CDC123: variants seen among roughly 807,000 people sequenced by gnomAD.
CDC123 encodes translation initiation factor eIF2 assembly protein.
A neutral mutation model predicts 54.4 loss-of-function variants in CDC123; 37 were observed. The observed-to-expected ratio is 0.68, with a 90% confidence interval of 0.52 to 0.89. The LOEUF is 0.89. Among genes scored for constraint, CDC123 ranks in the 40% least tolerant of loss-of-function variants. The probability of loss-of-function intolerance (pLI) is 0.00; values close to 1 mark genes in which losing one functional copy is unlikely to be tolerated. For synonymous variants in CDC123, 144 were observed against 136.8 expected, an observed-to-expected ratio of 1.05 and a Z score of -0.37; for missense variants, 361 against 412.1, an observed-to-expected ratio of 0.88 and a Z score of 1.07.
chr10:12,238,561 G>C, intron 10 of CDC123, 76 bp downstream of exon 10: 1 of 1,529,090 alleles, frequency 6.5e-7, no homozygotes, highest in Non-Finnish European at 8.9e-7. Context: ...CCTTTGTTAT[G>C]TGTGTGAAGG....
chr10:12,250,368 C>T lies in CDC123; in HGVS notation c.*31C>T, dbSNP rs769415917. 5 of 1,561,232 alleles carry T rather than the reference C, an allele frequency of 3.2e-6. No individual in the cohort carries two copies. Among genetic ancestry groups the T allele is most frequent in the African/African-American group, 1.4e-5 (1 of 73,760 alleles). ...GTACTGGAACTGGAGAAGAGGAGGC[C>T]CCGCCCCACCGCTCCGGGAGCTGCT... On this transcript the variant is annotated 3_prime_UTR_variant, in exon 13 of 13. Coordinates refer to ENST00000281141, the MANE Select transcript of CDC123 (RefSeq NM_006023.3).
intron 2 of CDC123, among the ~76,000 whole-genome samples, chr10:12,206,045 C>T (rs1835515123): frequency 6.6e-6 from 1 of 152,160 alleles, no homozygotes; most frequent in African/African-American, 2.4e-5. Flanking sequence ...CATGATCCAC[C>T]CGCCTTGGCC....
At position 12,249,710 on chromosome 10, in the gene CDC123, C is replaced by T; in HGVS notation, c.976C>T (p.Leu326Phe). 3 of 1,609,032 alleles carry T rather than the reference C, an allele frequency of 1.9e-6. No homozygotes were observed. Among genetic ancestry groups the T allele is most frequent in the Non-Finnish European group, 2.5e-6 (3 of 1,178,744 alleles). Reference protein sequence around the residue: ...GEDAHKLIDFLKLKRNQQEDD With the variant: ...GEDAHKLIDFFKLKRNQQEDD ...GGACGCTCACAAGCTAATAGACTTCCTTAAGCTGGTAAAGTCTATGTGCAT... is the reference window on the plus strand; with the variant it reads ...GGACGCTCACAAGCTAATAGACTTCTTTAAGCTGGTAAAGTCTATGTGCAT... Residue 326 changes from leucine to phenylalanine, a missense_variant, in exon 12 of 13, where the codon CTT becomes TTT. Transcript: ENST00000281141.
chr10:12,201,494 G>A (rs1178435869), intron 2 of CDC123, among the ~76,000 whole-genome samples: 1 of 152,116 alleles, frequency 6.6e-6, no homozygotes, highest in Non-Finnish European at 1.5e-5. Context: ...GTGAAGGGAA[G>A]AATCTTCCAG....
chr10:12,244,793 G>A (rs941864296), intron 10 of CDC123: 2 of 152,022 alleles, frequency 1.3e-5, no homozygotes, highest in Middle Eastern at 3.2e-3. Context: ...GAGGACATTT[G>A]AGGTTAGGAG....
chr10:12,201,484 G>C (rs1878798), intron 2 of CDC123, among the ~76,000 whole-genome samples: 71,875 of 151,914 alleles, frequency 0.47, 17,190 homozygotes, highest in East Asian at 0.61. Flanking sequence ...CAGTTGAAGG[G>C]TGAAGGGAAG....
chr10:12,215,963 T>A, intron 5 of CDC123, 128 bp downstream of exon 5: 1 of 565,264 alleles, frequency 1.8e-6, no homozygotes, highest in Non-Finnish European at 3.0e-6. Flanking sequence ...GAATTTATTA[T>A]TAATTTCCCT....
chr10:12,249,448 A>G, intron 11 of CDC123, 133 bp from the exon 12 acceptor site: 2 of 922,704 alleles, frequency 2.2e-6, no homozygotes, highest in Non-Finnish European at 3.2e-6. Context: ...TAACTTAAGC[A>G]TCTTCCTTTC....
At chr10:12,233,329 TATAG>T (rs1835929569) in intron 7 of CDC123, among the ~76,000 whole-genome samples, 1 of 151,746 alleles carries the variant, frequency 6.6e-6, no homozygotes, top group Non-Finnish European at 1.5e-5. Flanking sequence ...TCTGTCTCTT[TATAG>T]ATACTTACAT....
intron 2 of CDC123, among the ~76,000 whole-genome samples, chr10:12,203,127 GCCACC>G (rs1472135829): frequency 3.3e-5 from 5 of 152,200 alleles, no homozygotes; most frequent in Admixed American, 6.5e-5. Context: ...ACCTACACGT[GCCACC>G]TTCCAGAAGC....
At position 12,225,985 on chromosome 10, in the gene CDC123, A is replaced by G. The variant is rs551903914; in HGVS notation, c.441-4963A>G. Among the ~76,000 whole-genome samples the G allele has an allele frequency of 2.0e-5, 3 of 152,032 alleles. No individual in the cohort carries two copies. The East Asian group carries it at 5.8e-4, about 29-fold the overall frequency. ...ACTCTTAAGGAGCATGCTGCCTTCA[A>G]GCATCTGTTTAACAAAGCACATCTT... On this transcript the variant is annotated intron_variant, in intron 6 of 12. Transcript: ENST00000281141.
chr10:12,249,127 CAAA>C (rs58244020), intron 11 of CDC123, among the ~76,000 whole-genome samples: 66 of 133,930 alleles, frequency 4.9e-4, no homozygotes, highest in Middle Eastern at 4.1e-3. Flanking sequence ...GACTTTGCCT[CAAA>C]AAAAAAAAAA....
At chr10:12,237,975 G>C (rs1339864726) in intron 9 of CDC123, among the ~76,000 whole-genome samples, 1 of 152,178 alleles carries the variant, frequency 6.6e-6, no homozygotes, top group Non-Finnish European at 1.5e-5. Flanking sequence ...AATTATATCT[G>C]CTATGATTTA....
intron 7 of CDC123, among the ~76,000 whole-genome samples, chr10:12,232,321 T>C (rs1835912307): frequency 6.6e-6 from 1 of 152,154 alleles, no homozygotes; most frequent in South Asian, 2.1e-4. Context: ...CATTTTCATT[T>C]TTGGTCATAT....
intron 4 of CDC123, among the ~76,000 whole-genome samples, chr10:12,214,026 C>T (rs1319666600): frequency 6.6e-6 from 1 of 152,182 alleles, no homozygotes; most frequent in Non-Finnish European, 1.5e-5. Flanking sequence ...GTAAACAGTA[C>T]ATAGTCTTCC....
At chr10:12,231,088 T>G (rs1477647049) in intron 7 of CDC123, 92 bp downstream of exon 7, 62 of 1,229,300 alleles carry the variant, frequency 5.0e-5, no homozygotes, top group Non-Finnish European at 4.1e-5. Flanking sequence ...TGAAGTTTCT[T>G]GGATTAATTT....
At chr10:12,237,308 T>C in intron 9 of CDC123, 42 bp downstream of exon 9, 2 of 1,471,998 alleles carry the variant, frequency 1.4e-6, no homozygotes, top group South Asian at 1.5e-5. Flanking sequence ...AAATGAAATA[T>C]ACATTGTTAC....
chr10:12,210,292 G>A lies in CDC123; in HGVS notation c.207G>A (p.Trp69Ter). The change falls in exon 4 of 13, where the codon TGG (tryptophan) becomes TGA (stop). Residue 69 changes from tryptophan (W) to a stop codon, truncating the protein, a stop_gained and splice_region_variant. Transcript: ENST00000281141. LOFTEE classifies it high-confidence loss of function. The part of the protein sequence containing the change: ...DSDDEAEEIQ[W>*]SDDENTATLT... ...TTTTTTTCCTCTTTTTCATGCAGTG[G>A]TCTGATGATGAGAACACAGCCACGC... 1 of 1,613,974 alleles carries A rather than the reference G, an allele frequency of 6.2e-7. No homozygotes were observed. The highest frequency in any genetic ancestry group is 8.5e-7 in the Non-Finnish European group (1 of 1,179,988).
intron 12 of CDC123, 47 bp from the exon 13 acceptor site, chr10:12,250,264 C>G: frequency 7.7e-7 from 1 of 1,294,924 alleles, no homozygotes; most frequent in Non-Finnish European, 1.1e-6. Context: ...AGCAGATATC[C>G]CAAGGAGCAT....
Sources: gnomAD v4.1 joint callset for allele counts (sites outside exome capture counted in the v4.1 genomes callset) on GRCh38, gnomAD v4.1.1 for gene constraint, MANE v1.5 for transcripts, NCBI Gene and HGNC (gene_info 2026-07-23, HGNC 2026-07-21) for gene names.